Variants in ZNF804B observed in about 807,000 individuals in gnomAD.
ZNF804B encodes zinc finger protein 804B, also known as zinc finger 804B.
Under a neutral mutation model 101.4 loss-of-function variants are expected in ZNF804B, and 80 were observed. That is an observed-to-expected ratio of 0.79 (90% CI 0.66 to 0.95). ZNF804B has a LOEUF of 0.95. Among genes scored for constraint, ZNF804B ranks in the 40% least tolerant of loss-of-function variants. The probability of loss-of-function intolerance (pLI) is 0.00; values close to 1 mark genes in which losing one functional copy is unlikely to be tolerated. For synonymous variants in ZNF804B, 622 were observed against 558.8 expected (o/e 1.11, Z -1.59); for missense variants, 1,673 against 1,561.9 (o/e 1.07, Z -1.20).
chr7:89,177,189 T>C (rs1226143808), intron 1 of ZNF804B, among the ~76,000 whole-genome samples: 3 of 152,168 alleles, frequency 2.0e-5, no homozygotes, highest in Non-Finnish European at 4.4e-5. Context: ...TTTAGTTATT[T>C]AAGATGCATC....
chr7:89,176,310 G>A (rs1791317270), intron 1 of ZNF804B, among the ~76,000 whole-genome samples: 1 of 151,866 alleles, frequency 6.6e-6, no homozygotes, highest in South Asian at 2.1e-4. Flanking sequence ...ATGAAGAGAG[G>A]TTGAATTTTA....
chr7:89,337,120 AT>A lies in ZNF804B; in HGVS notation c.*91del, dbSNP rs1428520453. 1.6e-6 allele frequency: 2 copies of A among 1,277,288 alleles called. No homozygotes were observed. The highest frequency in any genetic ancestry group is 5.4e-5 in the Admixed American group (2 of 36,896). The allele number at this position is 1,277,288 out of a possible 1,614,324, so 79.1% of individuals were successfully genotyped here. ...TTTAAAGAAGTCTGTCAATTATAAG[AT>A]TTAAAATATTGCTGCCAATTCAAAA... On this transcript the variant is annotated 3_prime_UTR_variant, in exon 4 of 4. Coordinates refer to ENST00000333190, the MANE Select transcript of ZNF804B (RefSeq NM_181646.5).
intron 1 of ZNF804B, among the ~76,000 whole-genome samples, 188 bp downstream of exon 1, chr7:88,760,272 G>C (rs1242764540): frequency 6.6e-6 from 1 of 152,212 alleles, no homozygotes; most frequent in African/African-American, 2.4e-5. Flanking sequence ...ACACAGAGAG[G>C]GGTGTGTATT....
chr7:89,312,365 C>T (rs1211617064), intron 2 of ZNF804B, among the ~76,000 whole-genome samples: 3 of 152,190 alleles, frequency 2.0e-5, no homozygotes, highest in African/African-American at 4.8e-5. Context: ...AGCAATTAAA[C>T]ATAGCATCCA....
chr7:89,061,482 C>G (rs185619345), intron 1 of ZNF804B, among the ~76,000 whole-genome samples: 1 of 151,912 alleles, frequency 6.6e-6, no homozygotes, highest in African/African-American at 2.4e-5. Context: ...CAACTACCAC[C>G]TACGCATTTT....
chr7:89,286,070 A>G (rs1346105893), intron 2 of ZNF804B, among the ~76,000 whole-genome samples: 1 of 152,168 alleles, frequency 6.6e-6, no homozygotes, highest in African/African-American at 2.4e-5. Flanking sequence ...AAGAGACTAC[A>G]TTTCTAAAGT....
chr7:89,129,714 T>C (rs1038789277), intron 1 of ZNF804B, among the ~76,000 whole-genome samples: 1 of 151,992 alleles, frequency 6.6e-6, no homozygotes, highest in African/African-American at 2.4e-5. Context: ...ATGTTAGGCA[T>C]AGAGAGTTTC....
At chr7:89,274,214 G>A (rs1449122764) in intron 2 of ZNF804B, among the ~76,000 whole-genome samples, 2 of 144,450 alleles carry the variant, frequency 1.4e-5, no homozygotes, top group Non-Finnish European at 1.5e-5. Context: ...CATTGTGCAG[G>A]TTAGTTACAT....
chr7:88,959,735 G>T (rs1179480067), intron 1 of ZNF804B, among the ~76,000 whole-genome samples: 1 of 151,372 alleles, frequency 6.6e-6, no homozygotes, highest in Non-Finnish European at 1.5e-5. Context: ...GCTGTGTATA[G>T]TCAAAGTATT....
chr7:89,276,526 A>G (rs1026100730), intron 2 of ZNF804B, among the ~76,000 whole-genome samples: 21 of 151,910 alleles, frequency 1.4e-4, no homozygotes, highest in African/African-American at 5.1e-4. Flanking sequence ...GGGAGACTAC[A>G]GTGGACTTCT....
At chr7:88,789,088 T>A (rs746572078) in intron 1 of ZNF804B, among the ~76,000 whole-genome samples, 1 of 152,128 alleles carries the variant, frequency 6.6e-6, no homozygotes, top group Non-Finnish European at 1.5e-5. Flanking sequence ...AGTCCAACCA[T>A]TGTTAGAAAT....
chr7:89,042,926 A>G (rs1789039213), intron 1 of ZNF804B, among the ~76,000 whole-genome samples: 1 of 152,200 alleles, frequency 6.6e-6, no homozygotes, highest in South Asian at 2.1e-4. Flanking sequence ...AATAATGCAT[A>G]TGTTATGTAC....
intron 2 of ZNF804B, among the ~76,000 whole-genome samples, chr7:89,307,485 A>C (rs1009181335): frequency 6.6e-6 from 1 of 152,108 alleles, no homozygotes; most frequent in African/African-American, 2.4e-5. Flanking sequence ...CCAATATTGG[A>C]ACAATGCAGC....
chr7:89,240,896 G>T (rs1249002869), intron 2 of ZNF804B, among the ~76,000 whole-genome samples: 3 of 151,972 alleles, frequency 2.0e-5, no homozygotes, highest in Non-Finnish European at 4.4e-5. Flanking sequence ...GACACAATAG[G>T]CTCACCCCAC....
intron 1 of ZNF804B, among the ~76,000 whole-genome samples, chr7:89,157,678 G>T (rs375039663): frequency 2.6e-5 from 4 of 152,242 alleles, no homozygotes. Context: ...TACAGAGAAA[G>T]ATCTGTAAGT....
intron 2 of ZNF804B, among the ~76,000 whole-genome samples, chr7:89,273,532 T>C (rs548030703): frequency 5.9e-5 from 9 of 152,310 alleles, no homozygotes; most frequent in African/African-American, 2.2e-4. Context: ...AAATATTTAC[T>C]GCTAGAAGCT....
At chr7:89,252,717 A>G (rs1327194263) in intron 2 of ZNF804B, among the ~76,000 whole-genome samples, 1 of 152,224 alleles carries the variant, frequency 6.6e-6, no homozygotes, top group African/African-American at 2.4e-5. Flanking sequence ...AAAGAATGAA[A>G]TCTTGTTCTT....
chr7:89,068,710 C>A (rs55716558), intron 1 of ZNF804B, among the ~76,000 whole-genome samples: 3,508 of 152,284 alleles, frequency 0.023, 164 homozygotes, highest in African/African-American at 0.08. Flanking sequence ...CTTTATAAAT[C>A]TACATTGTGA....
intron 1 of ZNF804B, among the ~76,000 whole-genome samples, chr7:88,987,387 A>G (rs960151376): frequency 2.0e-5 from 3 of 152,148 alleles, no homozygotes; most frequent in African/African-American, 7.2e-5. Context: ...TCCTGATAGG[A>G]ACATAATAAA....
Sources: allele counts gnomAD v4.1 joint callset (sites outside exome capture counted in the v4.1 genomes callset), GRCh38; gene constraint gnomAD v4.1.1; transcripts MANE v1.5; gene names NCBI Gene and HGNC (gene_info 2026-07-23, HGNC 2026-07-21).